The following DSC3 variants were observed in gnomAD, a reference collection of about 807,000 sequenced individuals.
DSC3 encodes the protein desmocollin-3.
In DSC3, 97 loss-of-function variants were observed where a neutral mutation model predicts 89.5. The observed-to-expected ratio is 1.08, with a 90% CI of 0.92 to 1.28. The LOEUF is 1.28. Among genes scored for constraint, DSC3 ranks in the 50% most tolerant of loss-of-function variants. DSC3 has a pLI of 0.00. For missense variants in DSC3, 1,199 were observed against 1,085.3 expected (o/e 1.10, Z -1.47); for synonymous variants, 436 against 384.1 (o/e 1.14, Z -1.58).
chr18:31,030,885 C>T (rs1315551262), intron 3 of DSC3, 88 bp downstream of exon 3: 3 of 1,184,176 alleles, frequency 2.5e-6, no homozygotes, highest in Admixed American at 1.9e-5. Context: ...GGGGAAAATA[C>T]CCTATTTATC....
chr18:31,004,112 T>C, intron 13 of DSC3, 30 bp downstream of exon 13: 4 of 1,533,742 alleles, frequency 2.6e-6, no homozygotes, highest in Non-Finnish European at 3.6e-6. Context: ...TTATTATATA[T>C]TTTAACTTCA....
Position 31,001,722 on chromosome 18 carries a change from C to A in DSC3, c.2131G>T (p.Val711Leu). The change falls in exon 14 of 16, where the codon GTA becomes TTA. Residue 711 changes from valine (V) to leucine (L), a missense_variant. Val to Leu is a conservative substitution (Grantham distance 32). Coordinates refer to ENST00000360428, the MANE Select transcript of DSC3 (RefSeq NM_001941.5). The part of the protein sequence containing the change: ...ALLFSVLLTL[V>L]CGVFGATKGK... The stretch of plus-strand genomic sequence containing the variant: ...TTAGTTGCACCAAAAACTCCACATA[C>A]TAAAGTTAGCAATACAGCTGAATTT... 1 of 1,605,254 alleles carries A rather than the reference C, an allele frequency of 6.2e-7. No homozygotes were observed. The highest frequency in any genetic ancestry group is 2.2e-5 in the East Asian group (1 of 44,642).
intron 9 of DSC3, among the ~76,000 whole-genome samples, chr18:31,013,187 G>A (rs1985127280): frequency 6.6e-6 from 1 of 152,054 alleles, no homozygotes; most frequent in Non-Finnish European, 1.5e-5. Context: ...AAAAGAGAAT[G>A]TCAATAACAA....
rs926146910 is a variant in DSC3 at position 31,042,531 on chromosome 18, G to A, written c.69+61C>T. On this transcript the variant is annotated intron_variant, in intron 1 of 15. Coordinates refer to ENST00000360428, the MANE Select transcript of DSC3 (RefSeq NM_001941.5). ...CCCGCTTTGTCCCCAGCTCCGTGCA[G>A]CGTCCAGGGCGGATCCACCCCCGTC... is the stretch of plus-strand genomic sequence containing the variant. 51 of 1,487,340 alleles carry A rather than the reference G, an allele frequency of 3.4e-5. No individual in the cohort carries two copies. In the Admixed American group the frequency reaches 9.8e-4, roughly 29 times the overall value. 92.1% of individuals were successfully genotyped at this position (1,487,340 alleles called of 1,614,324 possible).
chr18:31,042,286 TC>T (rs1004018809), intron 1 of DSC3, among the ~76,000 whole-genome samples: 1 of 152,008 alleles, frequency 6.6e-6, no homozygotes, highest in Non-Finnish European at 1.5e-5. Flanking sequence ...GAAGCGTGAA[TC>T]CCAACCCCCT....
At chr18:31,030,058 T>C (rs1661753960) in intron 3 of DSC3, among the ~76,000 whole-genome samples, 1 of 152,192 alleles carries the variant, frequency 6.6e-6, no homozygotes, top group African/African-American at 2.4e-5. Flanking sequence ...GTGCTCTATT[T>C]ACACAGTCTG....
intron 11 of DSC3, 49 bp downstream of exon 11, chr18:31,007,967 T>G: frequency 6.7e-7 from 1 of 1,500,602 alleles, no homozygotes; most frequent in Non-Finnish European, 9.2e-7. Flanking sequence ...TAATTACATT[T>G]TATTCTCTAA....
At chr18:31,013,568 T>G (rs1446752110) in intron 9 of DSC3, among the ~76,000 whole-genome samples, 1 of 152,080 alleles carries the variant, frequency 6.6e-6, no homozygotes, top group African/African-American at 2.4e-5. Context: ...CGTAAAACTC[T>G]TATAAATAAA....
In DSC3 at chr18:31,032,226, A is replaced by G; in HGVS notation, c.120T>C (p.Pro40=). The G allele has an allele frequency of 6.2e-7, 1 of 1,613,806 alleles. No homozygotes were observed. The highest frequency in any genetic ancestry group is 1.1e-5 in the South Asian group (1 of 91,082). The part of the protein sequence containing the change: ...EACKKVILNV[P]SKLEADKIIG... ...TTATTTTGTCTGCCTCTAGTTTAGA[A>G]GGTACATTAAGTATCACCTTTTTGC... The change falls in exon 2 of 16, where the codon CCT becomes CCC. Residue 40 remains proline (P), a synonymous_variant. Coordinates refer to ENST00000360428, the MANE Select transcript of DSC3 (RefSeq NM_001941.5).
At chr18:31,026,467 T>C (rs1395125245) in intron 4 of DSC3, among the ~76,000 whole-genome samples, 1 of 152,024 alleles carries the variant, frequency 6.6e-6, no homozygotes, top group Non-Finnish European at 1.5e-5. Flanking sequence ...TAGAGGTGGT[T>C]GGATGGGTAA....
At chr18:31,033,111 T>C (rs1188060457) in intron 1 of DSC3, among the ~76,000 whole-genome samples, 2 of 152,064 alleles carry the variant, frequency 1.3e-5, no homozygotes, top group Non-Finnish European at 2.9e-5. Flanking sequence ...TGTAATCAAA[T>C]AAGTATAATA....
chr18:31,040,352 A>C (rs1255238137), intron 1 of DSC3, among the ~76,000 whole-genome samples: 3 of 152,176 alleles, frequency 2.0e-5, no homozygotes, highest in African/African-American at 7.2e-5. Flanking sequence ...TAACAGGCAG[A>C]AGACAACTGA....
At chr18:31,034,544 C>T (rs994646390) in intron 1 of DSC3, among the ~76,000 whole-genome samples, 7 of 152,250 alleles carry the variant, frequency 4.6e-5, no homozygotes, top group African/African-American at 1.7e-4. Flanking sequence ...ACATAAAAAC[C>T]TAAGTCCACA....
chr18:31,042,230 A>G (rs542856830), intron 1 of DSC3, among the ~76,000 whole-genome samples: 1 of 152,108 alleles, frequency 6.6e-6, no homozygotes, highest in Non-Finnish European at 1.5e-5. Context: ...TCTCCACCCA[A>G]AGGCGCCCTC....
chr18:31,007,111 T>A lies in DSC3; in HGVS notation c.1684A>T (p.Thr562Ser), dbSNP rs1414070158. The A allele has an allele frequency of 9.9e-6, 16 of 1,613,070 alleles. No individual in the cohort carries two copies. Among genetic ancestry groups the A allele is most frequent in the African/African-American group, 4.0e-5 (3 of 74,908 alleles). Residue 562 changes from threonine (T) to serine (S), a missense_variant, in exon 12 of 16, where the codon ACA becomes TCA. Thr to Ser is a moderately conservative substitution (Grantham distance 58, BLOSUM62 1). Transcript: ENST00000360428. ...ACATCTTCAATGTTCACAGCAAGTG[T>A]TCCAGTACATGATCTATCATCTAAG... The part of the protein sequence containing the change: ...IDKDDRSCTG[T>S]LAVNIEDVND...
At chr18:31,006,807 C>G (rs1984858288) in intron 12 of DSC3, 100 bp downstream of exon 12, 2 of 926,212 alleles carry the variant, frequency 2.2e-6, no homozygotes, top group Non-Finnish European at 3.4e-6. Flanking sequence ...ATTAATGAGA[C>G]TCAGTTTTAC....
chr18:31,008,182 T>C (rs1984926076), intron 10 of DSC3, 24 bp from the exon 11 acceptor site: 5 of 1,606,742 alleles, frequency 3.1e-6, no homozygotes, highest in Non-Finnish European at 4.3e-6. Flanking sequence ...AAAAATAGTC[T>C]TTAGCATCAG....
intron 15 of DSC3, among the ~76,000 whole-genome samples, chr18:30,995,553 C>G (rs1223293940): frequency 6.6e-6 from 1 of 152,064 alleles, no homozygotes; most frequent in Non-Finnish European, 1.5e-5. Flanking sequence ...TGGCTTTCTA[C>G]CTAGCTGCAC....
rs538959221 is a variant in DSC3, at chr18:30,992,029, G to T, written c.*2146C>A. The T allele has an allele frequency of 6.6e-6, 1 of 152,040 alleles. No individual in the cohort carries two copies. The highest frequency in any genetic ancestry group is 2.4e-5 in the African/African-American group (1 of 41,386). The allele number at this position is 152,040 out of a possible 1,614,324, so 9.4% of individuals were successfully genotyped here. A position where few individuals can be genotyped will look rare whatever the true frequency, so the allele number is the denominator to read the frequency against. On this transcript the variant is annotated 3_prime_UTR_variant, in exon 16 of 16. Transcript: ENST00000360428. ...AAATACAAAAAATTAGCCGGGCGTGGTGGTGGGCGCCTGTAGTCCCAGCTA... is the reference window on the plus strand; with the variant it reads ...AAATACAAAAAATTAGCCGGGCGTGTTGGTGGGCGCCTGTAGTCCCAGCTA...
Sources: allele counts gnomAD v4.1 joint callset (sites outside exome capture counted in the v4.1 genomes callset), GRCh38; gene constraint gnomAD v4.1.1; transcripts MANE v1.5; gene names NCBI Gene and HGNC (gene_info 2026-07-23, HGNC 2026-07-21).